The following RGL3 variants were observed in gnomAD, a reference collection of about 807,000 sequenced individuals.
RGL3 encodes the protein ral guanine nucleotide dissociation stimulator-like 3.
RGL3 carries 85 observed loss-of-function variants against 90.6 expected under a neutral mutation model. That is an observed-to-expected ratio of 0.94 (90% CI 0.79 to 1.12). RGL3 has a LOEUF of 1.12. RGL3 is among the 50% of genes most tolerant of loss of function. The probability of loss-of-function intolerance (pLI) is 0.00; values close to 1 mark genes in which losing one functional copy is unlikely to be tolerated. For missense variants in RGL3, 1,034 were observed against 939.2 expected, an observed-to-expected ratio of 1.10 and a Z score of -1.32; for synonymous variants, 408 against 385.5, an observed-to-expected ratio of 1.06 and a Z score of -0.68.
intron 4 of RGL3, chr19:11,416,353 C>T: frequency 1.6e-6 from 1 of 617,806 alleles, no homozygotes; most frequent in Non-Finnish European, 2.8e-6. Flanking sequence ...CACCCAGCTA[C>T]CTTTTTTTGT....
intron 13 of RGL3, among the ~76,000 whole-genome samples, chr19:11,401,447 G>A (rs1053022315): frequency 8.7e-5 from 13 of 149,126 alleles, no homozygotes; most frequent in Non-Finnish European, 1.3e-4. Context: ...CCAGGCTGGA[G>A]TGCAGTGGCA....
rs373924071 is a variant in RGL3, at chr19:11,405,171, G to C, written c.1161C>G (p.Leu387=). 1 of 1,614,116 alleles carries C rather than the reference G, an allele frequency of 6.2e-7. No homozygotes were observed. The highest frequency in any genetic ancestry group is 8.5e-7 in the Non-Finnish European group (1 of 1,179,972). ...SQIFSDENNH[L]SSREILFQEE... ...CCTGGAAAAGAATCTCTCTGCTGCT[G>C]AGGTGGTTGTTCTCATCGGAGAAAA... The change falls in exon 9 of 19, where the codon CTC becomes CTG. Residue 387 remains leucine, a synonymous_variant. Transcript: ENST00000380456.
At chr19:11,396,829 G>A (rs1486828190) in intron 18 of RGL3, among the ~76,000 whole-genome samples, 2 of 150,850 alleles carry the variant, frequency 1.3e-5, no homozygotes, top group Non-Finnish European at 3.0e-5. Context: ...CACCACACCC[G>A]ACTAATTTTT....
Position 11,399,887 on chromosome 19 carries a change from C to T in RGL3, c.1714G>A (p.Ala572Thr), listed in dbSNP as rs1176833700. 1 of 1,515,562 alleles carries T rather than the reference C, an allele frequency of 6.6e-7. No individual in the cohort carries two copies. Among genetic ancestry groups the T allele is most frequent in the African/African-American group, 1.4e-5 (1 of 70,734 alleles). 93.9% of individuals were successfully genotyped at this position (1,515,562 alleles called of 1,614,324 possible). The change falls in exon 16 of 19, where the codon GCC becomes ACC. Residue 572 changes from alanine to threonine, a missense_variant. Physicochemically the swap from Ala to Thr is moderately conservative, Grantham distance 58. Coordinates refer to ENST00000380456, the MANE Select transcript of RGL3 (RefSeq NM_001035223.4). ...SRDAPAGSPPASPGPQGPSTK... is the reference protein window; with the variant it reads ...SRDAPAGSPPTSPGPQGPSTK... The stretch of plus-strand genomic sequence containing the variant: ...CTGGGGCCCTGGGGCCCTGGAGAGG[C>T]CGGGGGACTGCCAGCAGGAGCATCT...
intron 7 of RGL3, 113 bp from the exon 8 acceptor site, chr19:11,405,539 T>C: frequency 2.5e-6 from 2 of 815,896 alleles, no homozygotes. Context: ...TTTTTTTTTT[T>C]GAGAGATAGG....
intron 7 of RGL3, among the ~76,000 whole-genome samples, chr19:11,405,671 C>A (rs965260189): frequency 2.7e-5 from 4 of 149,300 alleles, no homozygotes; most frequent in African/African-American, 9.8e-5. Flanking sequence ...TACAGGCGCG[C>A]GCCATCATGC....
rs946922403 is a variant in RGL3, at chr19:11,394,286, G to T, written c.*116C>A. Reference sequence around the variant, plus strand: ...ATGGGGTCCAATGGGCTACAGTTGGGTGGTGGTCCTGGGATACACAGCACA... The same window carrying T: ...ATGGGGTCCAATGGGCTACAGTTGGTTGGTGGTCCTGGGATACACAGCACA... On this transcript the variant is annotated 3_prime_UTR_variant, in exon 19 of 19. Coordinates refer to ENST00000380456, the MANE Select transcript of RGL3 (RefSeq NM_001035223.4). The T allele has an allele frequency of 1.3e-6, 1 of 775,498 alleles. No individual in the cohort carries two copies. Among genetic ancestry groups the T allele is most frequent in the Non-Finnish European group, 2.3e-6 (1 of 431,994 alleles). The allele number at this position is 775,498 out of a possible 1,614,324, so 48.0% of individuals were successfully genotyped here. A position where few individuals can be genotyped will look rare whatever the true frequency, so the allele number is the denominator to read the frequency against.
At chr19:11,416,311 C>A in intron 4 of RGL3, 163 bp from the exon 5 acceptor site, 1 of 646,520 alleles carries the variant, frequency 1.5e-6, no homozygotes, top group East Asian at 2.7e-5. Flanking sequence ...CTCAGCCTCC[C>A]GAGTAGCTGG....
chr19:11,416,906 G>A lies in RGL3; in HGVS notation c.301C>T (p.Arg101Trp), dbSNP rs1475837426. The stretch of plus-strand genomic sequence containing the variant: ...AGGCAGGCAGTGGGTACAAAGGTCC[G>A]GTAGGTGGCCAGGAAGGCGGGCATG... ...SFMPAFLATY[R>W]TFVPTACLLG... The change falls in exon 3 of 19, where the codon CGG becomes TGG. Residue 101 changes from arginine to tryptophan, a missense_variant. Coordinates refer to ENST00000380456, the MANE Select transcript of RGL3 (RefSeq NM_001035223.4). 3.0e-5 allele frequency: 48 copies of A among 1,614,000 alleles called. No individual in the cohort carries two copies. Among genetic ancestry groups the A allele is most frequent in the Middle Eastern group, 1.6e-4 (1 of 6,084 alleles).
intron 15 of RGL3, 42 bp downstream of exon 15, chr19:11,399,998 G>C (rs1298369383): frequency 6.3e-7 from 1 of 1,595,690 alleles, no homozygotes; most frequent in African/African-American, 1.4e-5. Context: ...GCTGACTCCT[G>C]ATCCCATGAT....
intron 5 of RGL3, among the ~76,000 whole-genome samples, chr19:11,410,918 C>T (rs535357661): frequency 2.0e-5 from 3 of 152,060 alleles, no homozygotes; most frequent in Non-Finnish European, 4.4e-5. Context: ...GACTTAGGAA[C>T]AAACGACCGG....
At chr19:11,401,883 TGTAGTGGGGGA>T in intron 13 of RGL3, 117 bp downstream of exon 13, 1 of 1,207,702 alleles carries the variant, frequency 8.3e-7, no homozygotes, top group East Asian at 2.5e-5. Flanking sequence ...GGTCACAGGT[TGTAGTGGGGGA>T]TCAGGGCTCA....
chr19:11,406,917 T>A, intron 5 of RGL3, 53 bp from the exon 6 acceptor site: 4 of 1,565,800 alleles, frequency 2.6e-6, no homozygotes, highest in Non-Finnish European at 3.5e-6. Context: ...AGACTGGCTG[T>A]GTGACCTTGG....
In RGL3 at chr19:11,394,318, T is replaced by C; in HGVS notation, c.*84A>G. 1 of 1,023,452 alleles carries C rather than the reference T, an allele frequency of 9.8e-7. No homozygotes were observed. The highest frequency in any genetic ancestry group is 1.6e-6 in the Non-Finnish European group (1 of 644,406). The allele number at this position is 1,023,452 out of a possible 1,614,324, so 63.4% of individuals were successfully genotyped here. On this transcript the variant is annotated 3_prime_UTR_variant, in exon 19 of 19. Transcript: ENST00000380456. Reference sequence around the variant, plus strand: ...TCCTGGGATACACAGCACAGTGGCCTCTACTGGGGGATGGCAGCTTTCCAG... The same window carrying C: ...TCCTGGGATACACAGCACAGTGGCCCCTACTGGGGGATGGCAGCTTTCCAG...
At chr19:11,400,994 G>A (rs1360686955) in intron 13 of RGL3, among the ~76,000 whole-genome samples, 1 of 152,102 alleles carries the variant, frequency 6.6e-6, no homozygotes. Context: ...AGTTGTCATA[G>A]TCAAGCTGGA....
intron 14 of RGL3, 32 bp downstream of exon 14, chr19:11,400,170 A>G (rs1393996708): frequency 6.4e-7 from 1 of 1,566,986 alleles, no homozygotes; most frequent in South Asian, 1.2e-5. Context: ...ATCTGCCCAC[A>G]TCACCGCCCC....
chr19:11,418,351 C>G (rs922244617), intron 2 of RGL3, among the ~76,000 whole-genome samples: 8 of 150,562 alleles, frequency 5.3e-5, no homozygotes, highest in Non-Finnish European at 7.4e-5. Flanking sequence ...ACTTCTAAAC[C>G]AACCCCATTC....
chr19:11,402,745 C>T (rs1187292019), intron 9 of RGL3, 39 bp from the exon 10 acceptor site: 1 of 1,568,354 alleles, frequency 6.4e-7, no homozygotes, highest in South Asian at 1.1e-5. Context: ...CTGGGGTCTC[C>T]TTGGACAATT....
chr19:11,404,761 G>A (rs1371752959), intron 9 of RGL3, among the ~76,000 whole-genome samples: 1 of 152,136 alleles, frequency 6.6e-6, no homozygotes, highest in Non-Finnish European at 1.5e-5. Context: ...ACCAGCGCCT[G>A]ATTGCAATGA....
Sources: gnomAD v4.1 joint callset for allele counts (sites outside exome capture counted in the v4.1 genomes callset) on GRCh38, gnomAD v4.1.1 for gene constraint, MANE v1.5 for transcripts, NCBI Gene and HGNC (gene_info 2026-07-23, HGNC 2026-07-21) for gene names.